The following DLG2 variants were observed in gnomAD, a reference collection of about 807,000 sequenced individuals.
DLG2 encodes disks large homolog 2.
In DLG2, 45 loss-of-function variants were observed where a neutral mutation model predicts 132.5. The ratio of observed to expected loss-of-function variants is 0.34; its 90% CI spans 0.27 to 0.44. The LOEUF (loss-of-function observed/expected upper bound fraction) is 0.44. Ranked by LOEUF, DLG2 falls within the 20% of genes least tolerant of loss-of-function variation. DLG2 has a pLI of 1.00. For missense variants in DLG2, 1,045 were observed against 1,196.9 expected (o/e 0.87, Z 1.87); for synonymous variants, 424 against 419.6 (o/e 1.01, Z -0.13).
At chr11:84,748,415 A>T (rs752039966) in intron 6 of DLG2, among the ~76,000 whole-genome samples, 1 of 152,172 alleles carries the variant, frequency 6.6e-6, no homozygotes, top group Non-Finnish European at 1.5e-5. Context: ...TGGTAAGGTG[A>T]TAACATTTTC....
chr11:85,130,350 TTATCTC>T (rs2075580956), intron 5 of DLG2, among the ~76,000 whole-genome samples: 2 of 152,168 alleles, frequency 1.3e-5, no homozygotes. Flanking sequence ...AAGGAGGAAT[TTATCTC>T]TATAGTATGT....
chr11:85,224,680 G>C (rs1048854666), intron 4 of DLG2, among the ~76,000 whole-genome samples: 7 of 151,806 alleles, frequency 4.6e-5, no homozygotes, highest in Admixed American at 1.3e-4. Flanking sequence ...TTCTTTTTTT[G>C]TATTTTCAAA....
intron 3 of DLG2, among the ~76,000 whole-genome samples, chr11:85,408,115 A>G (rs935332377): frequency 5.3e-5 from 8 of 150,804 alleles, no homozygotes; most frequent in Admixed American, 4.0e-4. Flanking sequence ...GCACCTTTTT[A>G]TCTTAAAAAT....
At chr11:85,407,724 G>C (rs2088895447) in intron 3 of DLG2, among the ~76,000 whole-genome samples, 1 of 151,772 alleles carries the variant, frequency 6.6e-6, no homozygotes, top group African/African-American at 2.4e-5. Context: ...CTGGGAAAGA[G>C]ACTACAACAC....
Position 85,353,386 on chromosome 11 carries a change from G to T in DLG2, c.41-68021C>A, listed in dbSNP as rs188562754. Among the ~76,000 whole-genome samples, 1,318 of 152,292 alleles carry T rather than the reference G, an allele frequency of 8.7e-3. 15 individuals are homozygous for T. The highest frequency in any genetic ancestry group is 0.03 in the African/African-American group (1,246 of 41,558). ...GAAATAGGAATGCTTTTACACTGTT[G>T]GTGGGAGTGTAAACTAGTTCAACCA... On this transcript the variant is annotated intron_variant, in intron 3 of 27. Coordinates refer to ENST00000376104, the MANE Select transcript of DLG2 (RefSeq NM_001142699.3).
intron 7 of DLG2, among the ~76,000 whole-genome samples, chr11:84,442,268 A>G (rs1228195396): frequency 6.6e-6 from 1 of 151,974 alleles, no homozygotes. Context: ...ATGTTTTTCC[A>G]TTTGTTTGTG....
At chr11:83,686,035 C>G (rs1397008220) in intron 18 of DLG2, among the ~76,000 whole-genome samples, 1 of 152,072 alleles carries the variant, frequency 6.6e-6, no homozygotes, top group Non-Finnish European at 1.5e-5. Flanking sequence ...CCTCATCTCC[C>G]TAATCTATAC....
chr11:85,377,460 C>T (rs1373025513), intron 3 of DLG2, among the ~76,000 whole-genome samples: 1 of 152,014 alleles, frequency 6.6e-6, no homozygotes, highest in Admixed American at 6.6e-5. Context: ...AAGTACTGGG[C>T]TTGAATGTCT....
At chr11:84,980,209 AT>A (rs984391806) in intron 6 of DLG2, among the ~76,000 whole-genome samples, 18 of 152,182 alleles carry the variant, frequency 1.2e-4, no homozygotes, top group African/African-American at 3.9e-4. Flanking sequence ...TATTAAAATT[AT>A]TTCTAATTTT....
chr11:84,040,629 T>C (rs2096047264), intron 11 of DLG2, among the ~76,000 whole-genome samples: 1 of 151,882 alleles, frequency 6.6e-6, no homozygotes, highest in South Asian at 2.1e-4. Flanking sequence ...TGTAGCCTTG[T>C]AGTATAGTTT....
intron 6 of DLG2, among the ~76,000 whole-genome samples, chr11:84,782,638 T>C (rs186174239): frequency 6.6e-5 from 10 of 152,306 alleles, no homozygotes; most frequent in Admixed American, 3.3e-4. Flanking sequence ...CTATGAGAAC[T>C]TGAATAAATC....
chr11:84,245,828 G>T lies in DLG2; in HGVS notation c.573+5410C>A, dbSNP rs1316096172. On this transcript the variant is annotated intron_variant, in intron 8 of 27. Transcript: ENST00000376104. ...TTTTTATTTTTTATTCTCATAAAGG[G>T]ACATACACAGATTCTCAGCCCTTTA... Among the ~76,000 whole-genome samples, 4 of 152,160 alleles carry T rather than the reference G, an allele frequency of 2.6e-5. No homozygotes were observed. In the East Asian group the frequency reaches 7.7e-4, roughly 29 times the overall value.
At chr11:85,137,545 C>T (rs1485404588) in intron 5 of DLG2, among the ~76,000 whole-genome samples, 1 of 152,066 alleles carries the variant, frequency 6.6e-6, no homozygotes, top group East Asian at 1.9e-4. Context: ...TCTCCTTAGC[C>T]AAAGGTAGCC....
intron 6 of DLG2, among the ~76,000 whole-genome samples, chr11:84,776,750 T>C (rs996181950): frequency 2.6e-5 from 4 of 152,212 alleles, no homozygotes; most frequent in Non-Finnish European, 5.9e-5. Context: ...TTTGCTTATA[T>C]TGCAGAGGGG....
intron 11 of DLG2, among the ~76,000 whole-genome samples, chr11:84,056,137 A>G (rs1040900045): frequency 6.6e-6 from 1 of 152,010 alleles, no homozygotes; most frequent in Non-Finnish European, 1.5e-5. Context: ...TACATGTACC[A>G]TGGTGGTTTG....
At chr11:84,033,810 G>A (rs1251150514) in intron 11 of DLG2, among the ~76,000 whole-genome samples, 1 of 152,102 alleles carries the variant, frequency 6.6e-6, no homozygotes, top group Non-Finnish European at 1.5e-5. Flanking sequence ...AGGCCCAGAT[G>A]GGCAGATCAC....
intron 3 of DLG2, among the ~76,000 whole-genome samples, chr11:85,498,339 T>A (rs530732969): frequency 1.3e-5 from 2 of 152,132 alleles, no homozygotes; most frequent in Non-Finnish European, 2.9e-5. Flanking sequence ...AAGAATGCCA[T>A]TACATAATGG....
chr11:83,767,737 C>G (rs2094204023), intron 18 of DLG2, among the ~76,000 whole-genome samples: 1 of 150,386 alleles, frequency 6.6e-6, no homozygotes, highest in South Asian at 2.1e-4. Flanking sequence ...ATACAGTAGG[C>G]ACTTTGCAAG....
In DLG2 at chr11:85,420,658, T is replaced by C. The variant is rs115575414; in HGVS notation, c.41-135293A>G. On this transcript the variant is annotated intron_variant, in intron 3 of 27. Transcript: ENST00000376104. ...AAAGGAGGAATCCAGAGATGCACTC[T>C]GGCTACAGTGGCTTTGCCAAGCTGT... Among the ~76,000 whole-genome samples, 1,346 of 152,346 alleles carry C rather than the reference T, an allele frequency of 8.8e-3. 21 individuals are homozygous for C. The highest frequency in any genetic ancestry group is 0.031 in the African/African-American group (1,269 of 41,586).
Sources: gnomAD v4.1 joint callset for allele counts (sites outside exome capture counted in the v4.1 genomes callset) on GRCh38, gnomAD v4.1.1 for gene constraint, MANE v1.5 for transcripts, NCBI Gene and HGNC (gene_info 2026-07-23, HGNC 2026-07-21) for gene names.